Variants in AXIN2 observed in about 807,000 individuals in gnomAD.
The protein encoded by AXIN2 is axin-2.
In AXIN2, 21 loss-of-function variants were observed where a neutral mutation model predicts 74.7. That is an observed-to-expected ratio of 0.28 (90% CI 0.20 to 0.40). The LOEUF (loss-of-function observed/expected upper bound fraction) is 0.40, where lower values mean the gene tolerates loss of function less well. Among genes scored for constraint, AXIN2 ranks in the 10% least tolerant of loss-of-function variants. The probability of loss-of-function intolerance (pLI) is 1.00; values close to 1 mark genes in which losing one functional copy is unlikely to be tolerated. For missense variants in AXIN2, 1,144 were observed against 1,111.1 expected (o/e 1.03, Z -0.42); for synonymous variants, 532 against 454.9 (o/e 1.17, Z -2.16).
intron 3 of AXIN2, among the ~76,000 whole-genome samples, chr17:65,546,346 T>C (rs1207235966): frequency 2.6e-5 from 4 of 152,254 alleles, no homozygotes; most frequent in African/African-American, 7.2e-5. Context: ...AGGCCTACAA[T>C]TGGCAGAGTT....
At chr17:65,534,208 A>G (rs1381775770) in intron 9 of AXIN2, 129 bp from the exon 10 acceptor site, 1 of 1,190,714 alleles carries the variant, frequency 8.4e-7, no homozygotes, top group East Asian at 2.4e-5. Flanking sequence ...TTGTAAACCC[A>G]AAGTGGGGGC....
Position 65,536,610 on chromosome 17 carries a change from T to C in AXIN2, c.1908-57A>G, listed in dbSNP as rs1445716342. On this transcript the variant is annotated intron_variant, in intron 7 of 10. Transcript: ENST00000307078. ...AGGAAAGAAACTGGGTTAGAAGAACTGGAAAATGTGACTTCAATAGAAACT... is the reference window on the plus strand; with the variant it reads ...AGGAAAGAAACTGGGTTAGAAGAACCGGAAAATGTGACTTCAATAGAAACT... 3.2e-6 allele frequency: 5 copies of C among 1,581,480 alleles called. No homozygotes were observed. The South Asian group carries it at 5.5e-5, about 18-fold the overall frequency.
intron 10 of AXIN2, among the ~76,000 whole-genome samples, chr17:65,531,545 C>T (rs61347494): frequency 0.088 from 13,377 of 152,032 alleles, 716 homozygotes; most frequent in East Asian, 0.26. Context: ...CGCCACCCTC[C>T]GTCAGACCCC....
intron 2 of AXIN2, among the ~76,000 whole-genome samples, chr17:65,552,594 G>A (rs186169283): frequency 6.6e-6 from 1 of 152,302 alleles, no homozygotes; most frequent in Admixed American, 6.5e-5. Flanking sequence ...CCCTCCAGAG[G>A]TGGGCACCCA....
Position 65,537,053 on chromosome 17 carries a change from CT to C in AXIN2, c.1722del (p.Gly575AlafsTer114). On this transcript the variant is annotated frameshift_variant, in exon 7 of 11. Transcript: ENST00000307078. LOFTEE classifies it high-confidence loss of function. ...CCATTGCGTTTGGGCAAGGTACTGC[CT>C]CTGCTGCCGCTGTGGGGAACCAAGA... ...TMPSEQFGGSRGSTLPKRNGK... is the reference protein window; with the variant it reads ...TMPSEQFGGSXGSTLPKRNGK... The C allele has an allele frequency of 6.2e-7, 1 of 1,605,456 alleles. No individual in the cohort carries two copies. Among genetic ancestry groups the C allele is most frequent in the Non-Finnish European group, 8.5e-7 (1 of 1,179,452 alleles).
rs2043878331 is a variant in AXIN2, at chr17:65,534,685, T to C, written c.2238-606A>G. Among the ~76,000 whole-genome samples, 6 of 150,918 alleles carry C rather than the reference T, an allele frequency of 4.0e-5. No individual in the cohort carries two copies. In the South Asian group the frequency reaches 1.3e-3, roughly 32 times the overall value. ...GGCTCACGCCTGTAATCCCAGCACT[T>C]TGGGAGGCCGAGGTGGGCGGATCAC... On this transcript the variant is annotated intron_variant, in intron 9 of 10. Coordinates refer to ENST00000307078, the MANE Select transcript of AXIN2 (RefSeq NM_004655.4).
At chr17:65,535,324 A>G (rs2043889945) in intron 9 of AXIN2, among the ~76,000 whole-genome samples, 1 of 152,218 alleles carries the variant, frequency 6.6e-6, no homozygotes, top group African/African-American at 2.4e-5. Flanking sequence ...CAGTACTACT[A>G]AATTGCAAGT....
chr17:65,538,572 C>T, intron 4 of AXIN2, among the ~76,000 whole-genome samples: 1 of 146,314 alleles, frequency 6.8e-6, no homozygotes, highest in Non-Finnish European at 1.5e-5. Context: ...CAGTTGGTCG[C>T]ACTCCGAGAG....
chr17:65,540,878 TCTTTTC>T (rs1374946556), intron 4 of AXIN2, among the ~76,000 whole-genome samples: 1 of 101,094 alleles, frequency 9.9e-6, no homozygotes, highest in Non-Finnish European at 2.7e-5. Context: ...CAAATAAACC[TCTTTTC>T]TTTGTTTTTT....
chr17:65,533,034 T>G (rs1598092991), intron 10 of AXIN2, among the ~76,000 whole-genome samples: 2 of 152,184 alleles, frequency 1.3e-5, no homozygotes, highest in Non-Finnish European at 2.9e-5. Context: ...CCAGATGAAC[T>G]GAGGCAGAGT....
At chr17:65,535,807 C>A in intron 8 of AXIN2, 86 bp from the exon 9 acceptor site, 1 of 1,264,154 alleles carries the variant, frequency 7.9e-7, no homozygotes, top group Non-Finnish European at 1.1e-6. Context: ...TACTATTTGG[C>A]CTCCTGAAGA....
rs997628063 is a variant in AXIN2 at position 65,558,475 on chromosome 17, A to G, written c.146T>C (p.Met49Thr). The G allele has an allele frequency of 6.2e-7, 1 of 1,607,552 alleles. No homozygotes were observed. Among genetic ancestry groups the G allele is most frequent in the Non-Finnish European group, 8.5e-7 (1 of 1,175,650 alleles). Residue 49 changes from methionine to threonine, a missense_variant, in exon 2 of 11, where the codon ATG (methionine) becomes ACG (threonine). This residue lies in a region of AXIN2 where 1,053 missense variants were observed against 973.5 expected (regional missense o/e 1.08). Transcript: ENST00000307078. ...GVGKGQVTKP[M>T]PVSSNTRRNE... ...CCGCCTGGTGTTGGAAGAGACAGGC[A>G]TGGGTTTGGTGACCTGGCCCTTGCC... is the stretch of plus-strand genomic sequence containing the variant.
rs1555577456 is a variant in AXIN2 at position 65,537,030 on chromosome 17, A to G, written c.1746T>C (p.Asn582=). The change falls in exon 7 of 11, where the codon AAT becomes AAC. Residue 582 remains asparagine (N), a synonymous_variant. Coordinates refer to ENST00000307078, the MANE Select transcript of AXIN2 (RefSeq NM_004655.4). ...GSRGSTLPKR[N]GKGTEPGLAL... ...CCAGGCCCGGCTCCGTGCCTTTCCCATTGCGTTTGGGCAAGGTACTGCCTC... is the reference window on the plus strand; with the variant it reads ...CCAGGCCCGGCTCCGTGCCTTTCCCGTTGCGTTTGGGCAAGGTACTGCCTC... 1 of 1,609,274 alleles carries G rather than the reference A, an allele frequency of 6.2e-7. No individual in the cohort carries two copies. Among genetic ancestry groups the G allele is most frequent in the Non-Finnish European group, 8.5e-7 (1 of 1,179,800 alleles).
At chr17:65,537,993 C>G in intron 5 of AXIN2, 158 bp from the exon 6 acceptor site, 1 of 1,309,968 alleles carries the variant, frequency 7.6e-7, no homozygotes, top group South Asian at 1.4e-5. Flanking sequence ...CCTACACAAG[C>G]ACATATCCAC....
chr17:65,556,395 C>T (rs867769999), intron 2 of AXIN2, among the ~76,000 whole-genome samples: 82 of 152,236 alleles, frequency 5.4e-4, no homozygotes, highest in African/African-American at 1.8e-3. Context: ...AGGTGCCCGG[C>T]GACTGACCTA....
chr17:65,552,536 A>C (rs552500387), intron 2 of AXIN2, among the ~76,000 whole-genome samples: 9 of 152,252 alleles, frequency 5.9e-5, no homozygotes, highest in Middle Eastern at 3.4e-3. Context: ...GAGGCTGGGC[A>C]CTGCTGCCGG....
intron 3 of AXIN2, among the ~76,000 whole-genome samples, chr17:65,545,794 G>C (rs1158333500): frequency 6.6e-6 from 1 of 152,110 alleles, no homozygotes; most frequent in African/African-American, 2.4e-5. Context: ...TCAGCAGTAG[G>C]CTTTGGGAGA....
In AXIN2 at chr17:65,538,017, C is replaced by T. The variant is rs559975202; in HGVS notation, c.1201-182G>A. 10 of 1,330,214 alleles carry T rather than the reference C, an allele frequency of 7.5e-6. No homozygotes were observed. The East Asian group carries it at 2.0e-4, about 27-fold the overall frequency. The allele number at this position is 1,330,214 out of a possible 1,614,324, so 82.4% of individuals were successfully genotyped here. On this transcript the variant is annotated intron_variant, in intron 5 of 10. Coordinates refer to ENST00000307078, the MANE Select transcript of AXIN2 (RefSeq NM_004655.4). ...GCACATATCCACACGCATATGCACA[C>T]CCACACGCAACCCATGCACATGCGC...
At chr17:65,540,070 G>T (rs923684237) in intron 4 of AXIN2, among the ~76,000 whole-genome samples, 1 of 152,192 alleles carries the variant, frequency 6.6e-6, no homozygotes, top group Non-Finnish European at 1.5e-5. Flanking sequence ...CTCACCAGCA[G>T]GTACCAAGCC....
Sources: gnomAD v4.1 joint callset for allele counts (sites outside exome capture counted in the v4.1 genomes callset) on GRCh38, gnomAD v4.1.1 for gene constraint, gnomAD v4.1.1 regional missense constraint, MANE v1.5 for transcripts, NCBI Gene and HGNC (gene_info 2026-07-23, HGNC 2026-07-21) for gene names.